Variants in A2ML1 observed in about 807,000 individuals in gnomAD.
A2ML1 encodes the protein alpha-2-macroglobulin-like protein 1.
Under a neutral mutation model 181.9 loss-of-function variants are expected in A2ML1, and 161 were observed. The observed-to-expected ratio is 0.89, with a 90% CI of 0.78 to 1.01. The LOEUF (loss-of-function observed/expected upper bound fraction) is 1.01. Ranked by LOEUF, A2ML1 falls within the 50% of genes least tolerant of loss-of-function variation. A2ML1 has a pLI of 0.00. For missense variants in A2ML1, 1,670 were observed against 1,768.1 expected, an observed-to-expected ratio of 0.94 and a Z score of 1.00; for synonymous variants, 663 against 666.8, an observed-to-expected ratio of 0.99 and a Z score of 0.09.
chr12:8,838,503 TC>T, intron 9 of A2ML1, 53 bp downstream of exon 9: 1 of 1,421,902 alleles, frequency 7.0e-7, no homozygotes. Context: ...AAAGGGCTGG[TC>T]CCAGGGACAG....
In A2ML1 at chr12:8,836,337, T is replaced by C; in HGVS notation, c.726T>C (p.Cys242=). The change falls in exon 7 of 36, where the codon TGT becomes TGC. Residue 242 remains cysteine, a splice_region_variant and synonymous_variant. Transcript: ENST00000299698. ...AATCTTTCTTAGTAAAAATTTGTTG[T>C]AGGTAAGAGCAGAAGCTTGGGATCT... ...VQESFLVKIC[C]RYTYGKPMLG... 5.6e-6 allele frequency: 9 copies of C among 1,613,184 alleles called. No homozygotes were observed. The highest frequency in any genetic ancestry group is 7.6e-6 in the Non-Finnish European group (9 of 1,179,264).
At chr12:8,834,880 T>C in intron 5 of A2ML1, 198 bp downstream of exon 5, 2 of 603,296 alleles carry the variant, frequency 3.3e-6, no homozygotes, top group South Asian at 4.1e-5. Context: ...ACACCTACAT[T>C]TCAGTAGACA....
chr12:8,850,089 C>G (rs1476648918), intron 17 of A2ML1, 71 bp from the exon 18 acceptor site: 2 of 1,225,874 alleles, frequency 1.6e-6, no homozygotes, highest in African/African-American at 3.1e-5. Flanking sequence ...CTAGTAATCC[C>G]TCCATCCCAA....
chr12:8,871,717 T>C (rs1944628019), intron 33 of A2ML1, among the ~76,000 whole-genome samples: 1 of 152,186 alleles, frequency 6.6e-6, no homozygotes, highest in Non-Finnish European at 1.5e-5. Context: ...TGAACATATC[T>C]TCTTATTAAA....
At position 8,823,616 on chromosome 12, in the gene A2ML1, C is replaced by G. The variant is rs752641991; in HGVS notation, c.247-104C>G. ...TTTTATGTCTCTATCCTTGCTACCC[C>G]CATCTAACTCAGCTCTTTCCTTTAA... is the stretch of plus-strand genomic sequence containing the variant. On this transcript the variant is annotated intron_variant, in intron 2 of 35. Coordinates refer to ENST00000299698, the MANE Select transcript of A2ML1 (RefSeq NM_144670.6). The G allele has an allele frequency of 2.8e-5, 36 of 1,292,226 alleles. No individual in the cohort carries two copies. The South Asian group carries it at 4.9e-4, about 17-fold the overall frequency. The allele number at this position is 1,292,226 out of a possible 1,614,324, so 80.0% of individuals were successfully genotyped here. A position where few individuals can be genotyped will look rare whatever the true frequency, so the allele number is the denominator to read the frequency against.
chr12:8,846,980 G>T (rs1308012380), intron 14 of A2ML1, among the ~76,000 whole-genome samples: 5 of 151,710 alleles, frequency 3.3e-5, no homozygotes, highest in Admixed American at 2.0e-4. Context: ...TGTTGCCCAG[G>T]CTGGAGTGCA....
At position 8,849,776 on chromosome 12, in the gene A2ML1, G is replaced by T; in HGVS notation, c.2119+17G>T. The T allele has an allele frequency of 6.2e-7, 1 of 1,609,974 alleles. No individual in the cohort carries two copies. Among genetic ancestry groups the T allele is most frequent in the Non-Finnish European group, 8.5e-7 (1 of 1,176,278 alleles). On this transcript the variant is annotated intron_variant, in intron 17 of 35. Transcript: ENST00000299698. Reference sequence around the variant, plus strand: ...CTATGGGTGGTAAGCCACCTCTGTGGTCTGTGGATTCTCTGAGATGTTAAC... The same window carrying T: ...CTATGGGTGGTAAGCCACCTCTGTGTTCTGTGGATTCTCTGAGATGTTAAC...
At chr12:8,879,820 T>G (rs1181937479), downstream of A2ML1, among the ~76,000 whole-genome samples, 1 of 152,198 alleles carries the variant, frequency 6.6e-6, no homozygotes, top group African/African-American at 2.4e-5. Context: ...TGTGCATATT[T>G]GAGAAGGTGA....
chr12:8,834,133 A>G (rs963349839), intron 4 of A2ML1, among the ~76,000 whole-genome samples: 1 of 152,132 alleles, frequency 6.6e-6, no homozygotes, highest in African/African-American at 2.4e-5. Context: ...TTTCACATCT[A>G]TTTAGCAACT....
chr12:8,869,748 G>C (rs1451782299), intron 33 of A2ML1, among the ~76,000 whole-genome samples: 1 of 152,138 alleles, frequency 6.6e-6, no homozygotes, highest in Non-Finnish European at 1.5e-5. Flanking sequence ...GACTGCCTGG[G>C]CTGTGATCTT....
At chr12:8,839,270 T>A (rs778876520) in intron 10 of A2ML1, 48 bp downstream of exon 10, 1 of 1,402,634 alleles carries the variant, frequency 7.1e-7, no homozygotes, top group South Asian at 1.2e-5. Flanking sequence ...CATAACCATC[T>A]ACTTTGCCTC....
At chr12:8,874,042 G>A (rs1944716532) in intron 33 of A2ML1, among the ~76,000 whole-genome samples, 2 of 151,982 alleles carry the variant, frequency 1.3e-5, no homozygotes, top group South Asian at 2.1e-4. Flanking sequence ...TTGAGATGGA[G>A]TCTCGCTCTG....
chr12:8,860,132 C>T (rs752286740), intron 26 of A2ML1, among the ~76,000 whole-genome samples: 15 of 152,180 alleles, frequency 9.9e-5, no homozygotes, highest in African/African-American at 2.9e-4. Flanking sequence ...CCTTGACCTC[C>T]CCGGGCTCAG....
At chr12:8,873,108 T>C (rs1376510638) in intron 33 of A2ML1, among the ~76,000 whole-genome samples, 1 of 152,198 alleles carries the variant, frequency 6.6e-6, no homozygotes, top group Non-Finnish European at 1.5e-5. Flanking sequence ...CTCTCAGATA[T>C]TCTGATGCAA....
In A2ML1 at chr12:8,852,271, C is replaced by T. The variant is rs775695540; in HGVS notation, c.2525C>T (p.Thr842Ile). ...YQLESWADSQTSSCLCADDAK... is the reference protein window; with the variant it reads ...YQLESWADSQISSCLCADDAK... Reference sequence around the variant, plus strand: ...CTAGAATCATGGGCAGATTCTCAGACCTCCAGTTGTCTCTGTGCTGATGAC... The same window carrying T: ...CTAGAATCATGGGCAGATTCTCAGATCTCCAGTTGTCTCTGTGCTGATGAC... The change falls in exon 20 of 36, where the codon ACC becomes ATC. Residue 842 changes from threonine (T) to isoleucine (I), a missense_variant. Thr to Ile is a moderately conservative substitution (Grantham distance 89). Coordinates refer to ENST00000299698, the MANE Select transcript of A2ML1 (RefSeq NM_144670.6). This position sits in a 1 kb window ranked among gnomAD's most constrained non-coding sequence, Gnocchi z 4.2. 18 of 1,614,016 alleles carry T rather than the reference C, an allele frequency of 1.1e-5. No individual in the cohort carries two copies. The highest frequency in any genetic ancestry group is 2.7e-5 in the African/African-American group (2 of 74,900).
chr12:8,859,712 G>T (rs1944190745), intron 26 of A2ML1, among the ~76,000 whole-genome samples: 1 of 152,064 alleles, frequency 6.6e-6, no homozygotes, highest in Non-Finnish European at 1.5e-5. Flanking sequence ...CTACAGGCAT[G>T]TGCCACCATG....
chr12:8,855,846 G>A (rs79407168), intron 23 of A2ML1, among the ~76,000 whole-genome samples: 1,720 of 152,236 alleles, frequency 0.011, 35 homozygotes, highest in African/African-American at 0.039. Context: ...CTTGATTTTA[G>A]GTTTAGACAG....
Position 8,841,543 on chromosome 12 carries a change from A to G in A2ML1, c.1248+7A>G, listed in dbSNP as rs765019682. On this transcript the variant is annotated splice_region_variant and intron_variant, in intron 11 of 35. Coordinates refer to ENST00000299698, the MANE Select transcript of A2ML1 (RefSeq NM_144670.6). The stretch of plus-strand genomic sequence containing the variant: ...GACAGACGTTTCTCTGGAGGTAAGC[A>G]TGGACGGAGGACCAGCTTCCTAGAA... 20 of 1,606,312 alleles carry G rather than the reference A, an allele frequency of 1.2e-5. No individual in the cohort carries two copies. Among genetic ancestry groups the G allele is most frequent in the Middle Eastern group, 1.7e-4 (1 of 6,038 alleles).
chr12:8,826,006 T>A (rs776487831), intron 3 of A2ML1, among the ~76,000 whole-genome samples: 2 of 152,238 alleles, frequency 1.3e-5, no homozygotes, highest in Non-Finnish European at 2.9e-5. Flanking sequence ...GCAGTATAAT[T>A]TGAAGTCATG....
Sources: gnomAD v4.1 joint callset for allele counts (sites outside exome capture counted in the v4.1 genomes callset) on GRCh38, gnomAD v4.1.1 for gene constraint, Gnocchi (gnomAD v3.1) non-coding constraint, MANE v1.5 for transcripts, NCBI Gene and HGNC (gene_info 2026-07-23, HGNC 2026-07-21) for gene names.